The following TTN variants were observed in gnomAD, a reference collection of about 807,000 sequenced individuals.
TTN encodes the protein titin.
In TTN, 1,525 loss-of-function variants were observed where a neutral mutation model predicts 3,223.0. That is an observed-to-expected ratio of 0.47 (90% CI 0.45 to 0.49). The LOEUF (loss-of-function observed/expected upper bound fraction) is 0.49. Ranked by LOEUF, TTN falls within the 20% of genes least tolerant of loss-of-function variation. TTN has a pLI of 0.00. For synonymous variants in TTN, 14,094 were observed against 15,161.0 expected (o/e 0.93, Z 5.17); for missense variants, 40,786 against 43,424.0 (o/e 0.94, Z 5.40).
chr2:178,730,244 T>C lies in TTN; in HGVS notation c.18156A>G (p.Leu6052=), dbSNP rs756118009. The change falls in exon 62 of 363, where the codon TTA becomes TTG. Residue 6052 remains leucine, a synonymous_variant. Transcript: ENST00000589042. ...TIKWFKDNKE[L]HSGAARSVWK... Reference sequence around the variant, plus strand: ...AAACTGAGCGGGCTGCTCCTGAGTGTAACTCTTTGTTATCTTTAAACCACT... The same window carrying C: ...AAACTGAGCGGGCTGCTCCTGAGTGCAACTCTTTGTTATCTTTAAACCACT... The C allele has an allele frequency of 6.2e-7, 1 of 1,613,350 alleles. No individual in the cohort carries two copies. The highest frequency in any genetic ancestry group is 2.2e-5 in the East Asian group (1 of 44,756).
rs1361414571 is a variant in TTN at position 178,534,751 on chromosome 2, A to ATGGT, written c.101860_101863dup (p.Ile33955AsnfsTer3). The stretch of plus-strand genomic sequence containing the variant: ...GGCTTGACCAAATTCTATGATTTTA[A>ATGGT]TGGTAGAGCTTCTTCTGGTTTGGTA... On this transcript the variant is annotated frameshift_variant, in exon 358 of 363. Coordinates refer to ENST00000589042, the MANE Select transcript of TTN (RefSeq NM_001267550.2). LOFTEE classifies it high-confidence loss of function. The ATGGT allele has an allele frequency of 6.2e-7, 1 of 1,613,722 alleles. No individual in the cohort carries two copies. The highest frequency in any genetic ancestry group is 8.5e-7 in the Non-Finnish European group (1 of 1,179,806).
rs1217243607 is a variant in TTN, at chr2:178,711,050, GA to G, written c.28174+11del. ...TTTAATTCTAGAAATGAAAGTTTAA[GA>G]ATCCACAAACCTGTGAGAATGAGCC... On this transcript the variant is annotated intron_variant, in intron 97 of 362. Coordinates refer to ENST00000589042, the MANE Select transcript of TTN (RefSeq NM_001267550.2). The G allele has an allele frequency of 6.4e-6, 10 of 1,559,042 alleles. No homozygotes were observed. The highest frequency in any genetic ancestry group is 4.1e-5 in the African/African-American group (3 of 72,388).
At position 178,693,679 on chromosome 2, in the gene TTN, T is replaced by C; in HGVS notation, c.31524A>G (p.Val10508=). The C allele has an allele frequency of 1.3e-6, 2 of 1,598,060 alleles. No individual in the cohort carries two copies. Among genetic ancestry groups the C allele is most frequent in the Non-Finnish European group, 1.7e-6 (2 of 1,169,052 alleles). The change falls in exon 119 of 363, where the codon GTA becomes GTG. Residue 10508 remains valine, a synonymous_variant. Transcript: ENST00000589042. ...TCTCTTCAGTAACAATTTCCTTTTG[T>C]ACCTCGGGGACTTAAAAAAATGTAC... The part of the protein sequence containing the change: ...EEEVSVTVPE[V]QKEIVTEEKI...
intron 2 of TTN, among the ~76,000 whole-genome samples, chr2:178,804,309 A>T: frequency 6.6e-6 from 1 of 152,212 alleles, no homozygotes. Context: ...ATTTTAATCC[A>T]ACACTAATTA....
At position 178,547,501 on chromosome 2, in the gene TTN, T is replaced by G; in HGVS notation, c.94125A>C (p.Lys31375Asn). 1.2e-6 allele frequency: 2 copies of G among 1,613,514 alleles called. No homozygotes were observed. Among genetic ancestry groups the G allele is most frequent in the South Asian group, 2.2e-5 (2 of 91,050 alleles). Residue 31375 changes from lysine (K) to asparagine (N), a missense_variant, in exon 339 of 363, where the codon AAA becomes AAC. By Grantham distance (94) the Lys-to-Asn change is moderately conservative. Transcript: ENST00000589042. ...TGACACGGAAAGAATATTCCATGTA[T>G]TTTGTGAGATGAGTGACTTTAATTT... ...RTQIKVTHLT[K>N]YMEYSFRVSS...
intron 331 of TTN, 28 bp from the exon 332 acceptor site, chr2:178,554,780 T>C: frequency 6.2e-7 from 1 of 1,612,294 alleles, no homozygotes; most frequent in Non-Finnish European, 8.5e-7. Context: ...AAACACGATG[T>C]TAGTACTTCT....
chr2:178,561,166 A>G lies in TTN; in HGVS notation c.84966T>C (p.Arg28322=). Residue 28322 remains arginine, a synonymous_variant, in exon 326 of 363, where the codon CGT becomes CGC. Coordinates refer to ENST00000589042, the MANE Select transcript of TTN (RefSeq NM_001267550.2). Reference sequence around the variant, plus strand: ...TCCTTGCAAAAACCCGGAATTCATAACGCTGATCTTCAGTAAGTTCAGTTA... The same window carrying G: ...TCCTTGCAAAAACCCGGAATTCATAGCGCTGATCTTCAGTAAGTTCAGTTA... The part of the protein sequence containing the change: ...FEVTELTEDQ[R]YEFRVFARNA... 6.2e-7 allele frequency: 1 copy of G among 1,613,674 alleles called. No individual in the cohort carries two copies.
Position 178,649,765 on chromosome 2 carries a change from G to A in TTN, c.39895+52C>T, listed in dbSNP as rs967332658. 2.3e-5 allele frequency: 37 copies of A among 1,574,580 alleles called. No homozygotes were observed. In the African/African-American group the frequency reaches 4.6e-4, roughly 20 times the overall value. On this transcript the variant is annotated intron_variant, in intron 211 of 362. Coordinates refer to ENST00000589042, the MANE Select transcript of TTN (RefSeq NM_001267550.2). ...TACAACACAACACACAATAAGAAGA[G>A]TGTAAAATTGTAGACACCACAAAAA...
intron 106 of TTN, among the ~76,000 whole-genome samples, chr2:178,703,071 A>G (rs987928273): frequency 2.0e-5 from 3 of 152,224 alleles, no homozygotes; most frequent in Admixed American, 6.5e-5. Flanking sequence ...TTCAGGATCT[A>G]TAATTGTTTA....
Position 178,554,701 on chromosome 2 carries a change from T to C in TTN, c.88646A>G (p.Glu29549Gly), listed in dbSNP as rs779704459. 10 of 1,613,776 alleles carry C rather than the reference T, an allele frequency of 6.2e-6. No individual in the cohort carries two copies. Among genetic ancestry groups the C allele is most frequent in the African/African-American group, 4.0e-5 (3 of 74,884 alleles). Residue 29549 changes from glutamate (E) to glycine (G), a missense_variant, in exon 332 of 363, where the codon GAG becomes GGG. By Grantham distance (98) the Glu-to-Gly change is moderately conservative. Transcript: ENST00000589042. Reference sequence around the variant, plus strand: ...AGGCCGCCAGAGAAGGGTGATCTTCTCAGCAGTTACAGTCTTAAATTCAAT... The same window carrying C: ...AGGCCGCCAGAGAAGGGTGATCTTCCCAGCAGTTACAGTCTTAAATTCAAT... ...GPIEFKTVTAEKITLLWRPPA... is the reference protein window; with the variant it reads ...GPIEFKTVTAGKITLLWRPPA...
chr2:178,571,913 A>G lies in TTN; in HGVS notation c.74219T>C (p.Ile24740Thr), dbSNP rs773198304. 1.2e-6 allele frequency: 2 copies of G among 1,613,356 alleles called. No homozygotes were observed. The highest frequency in any genetic ancestry group is 2.2e-5 in the East Asian group (1 of 44,742). Residue 24740 changes from isoleucine (I) to threonine (T), a missense_variant, in exon 326 of 363, where the codon ATT becomes ACT. Physicochemically the swap from Ile to Thr is moderately conservative, Grantham distance 89. Transcript: ENST00000589042. ...GEDLKVDVPF[I>T]GRPTPAVTWH... is the part of the protein sequence containing the mutation. ...GGTTACAGCTGGGGTAGGGCGGCCA[A>G]TGAATGGAACATCAACTTTTAGGTC...
Position 178,562,166 on chromosome 2 carries a change from C to T in TTN, c.83966G>A (p.Arg27989Lys), listed in dbSNP as rs1419715288. Reference protein sequence around the residue: ...QLKIDVPFKGRPQATVNWRKD... With the variant: ...QLKIDVPFKGKPQATVNWRKD... ...TCTCCAGTTCACAGTAGCTTGAGGT[C>T]TTCCTTTGAATGGCACATCAATCTT... The change falls in exon 326 of 363, where the codon AGA becomes AAA. Residue 27989 changes from arginine (R) to lysine (K), a missense_variant. Transcript: ENST00000589042. The T allele has an allele frequency of 1.2e-6, 2 of 1,612,958 alleles. No homozygotes were observed. Among genetic ancestry groups the T allele is most frequent in the Non-Finnish European group, 1.7e-6 (2 of 1,179,532 alleles).
In TTN at chr2:178,699,383, C is replaced by CTTTTTTTTTT. The variant is rs59989386; in HGVS notation, c.30683-479_30683-470dup. Among the ~76,000 whole-genome samples, 39 of 44,912 alleles carry CTTTTTTTTTT rather than the reference C, an allele frequency of 8.7e-4. 11 individuals carry two copies. Among genetic ancestry groups the CTTTTTTTTTT allele is most frequent in the Non-Finnish European group, 1.2e-3 (28 of 22,892 alleles). 29.5% of individuals were successfully genotyped at this position (44,912 alleles called of 152,430 possible). A position where few individuals can be genotyped will look rare whatever the true frequency, so the allele number is the denominator to read the frequency against. On this transcript the variant is annotated intron_variant, in intron 111 of 362. Transcript: ENST00000589042. ...TTTGTATTCATGAATAAATAACACT[C>CTTTTTTTTTT]TTTTTTTTTTTTTTTTTTTTTTTTT...
Position 178,693,604 on chromosome 2 carries a change from A to C in TTN, c.31594+5T>G. 6.4e-7 allele frequency: 1 copy of C among 1,558,830 alleles called. No homozygotes were observed. The highest frequency in any genetic ancestry group is 8.7e-7 in the Non-Finnish European group (1 of 1,147,848). On this transcript the variant is annotated splice_donor_5th_base_variant and intron_variant, in intron 119 of 362. Transcript: ENST00000589042. ...GAGTTTAAACTTAGAATGAATTACTAATACCTTTAGGTGGTGGTTCAACCC... is the reference window on the plus strand; with the variant it reads ...GAGTTTAAACTTAGAATGAATTACTCATACCTTTAGGTGGTGGTTCAACCC...
In TTN at chr2:178,604,822, A is replaced by T; in HGVS notation, c.54267T>A (p.Pro18089=). Residue 18089 remains proline, a synonymous_variant, in exon 281 of 363, where the codon CCT becomes CCA. Coordinates refer to ENST00000589042, the MANE Select transcript of TTN (RefSeq NM_001267550.2). ...TGATTTCACTGCCACCATTATCAAG[A>T]GGGGCATCCCATGTCAAGTAGCAAG... is the stretch of plus-strand genomic sequence containing the variant. The part of the protein sequence containing the change: ...AESCYLTWDA[P]LDNGGSEITH... 5 of 1,612,280 alleles carry T rather than the reference A, an allele frequency of 3.1e-6. No individual in the cohort carries two copies. Among genetic ancestry groups the T allele is most frequent in the Non-Finnish European group, 4.2e-6 (5 of 1,178,992 alleles).
At chr2:178,641,155 C>A in intron 220 of TTN, 86 bp downstream of exon 220, 1 of 916,276 alleles carries the variant, frequency 1.1e-6, no homozygotes. Flanking sequence ...TTACATCTAA[C>A]TTCATTTATG....
At chr2:178,536,642 T>A (rs1015412008) in intron 356 of TTN, 67 bp from the exon 357 acceptor site, 323 of 1,341,782 alleles carry the variant, frequency 2.4e-4, no homozygotes, top group Non-Finnish European at 2.9e-4. Context: ...CTTATTTTTT[T>A]AAAAAAGAAT....
rs750303653 is a variant in TTN, at chr2:178,548,448, G to A, written c.93178C>T (p.Arg31060Cys). ...HYVVEKREAS[R>C]RSWQVISEKC... ...TCACTGATAACCTGCCAACTACGGC[G>A]ACTTGCCTCTCGTTTCTCTACCACA... The change falls in exon 339 of 363, where the codon CGC becomes TGC. Residue 31060 changes from arginine to cysteine, a missense_variant. Coordinates refer to ENST00000589042, the MANE Select transcript of TTN (RefSeq NM_001267550.2). The surrounding 1 kb of genome is among the most constrained non-coding windows in gnomAD (Gnocchi z 4.3). 31 of 1,613,692 alleles carry A rather than the reference G, an allele frequency of 1.9e-5. No individual in the cohort carries two copies. The highest frequency in any genetic ancestry group is 1.4e-4 in the South Asian group (13 of 91,074).
chr2:178,730,577 T>G lies in TTN; in HGVS notation c.17956A>C (p.Ser5986Arg). The G allele has an allele frequency of 1.2e-6, 2 of 1,613,686 alleles. No individual in the cohort carries two copies. Among genetic ancestry groups the G allele is most frequent in the Non-Finnish European group, 1.7e-6 (2 of 1,179,666 alleles). ...LEISQLEGTD[S>R]GTYTCSATNK... is the part of the protein sequence containing the mutation. ...GTGGCAGAACAAGTGTATGTCCCACTGTCTGTACCTTCCAGCTGGCTGATT... is the reference window on the plus strand; with the variant it reads ...GTGGCAGAACAAGTGTATGTCCCACGGTCTGTACCTTCCAGCTGGCTGATT... The change falls in exon 61 of 363, where the codon AGT (serine) becomes CGT (arginine). Residue 5986 changes from serine (S) to arginine (R), a missense_variant. Physicochemically the swap from Ser to Arg is moderately radical, Grantham distance 110 (BLOSUM62 -1). Coordinates refer to ENST00000589042, the MANE Select transcript of TTN (RefSeq NM_001267550.2).
Sources: gnomAD v4.1 joint callset for allele counts (sites outside exome capture counted in the v4.1 genomes callset) on GRCh38, gnomAD v4.1.1 for gene constraint, Gnocchi (gnomAD v3.1) non-coding constraint, MANE v1.5 for transcripts, NCBI Gene and HGNC (gene_info 2026-07-23, HGNC 2026-07-21) for gene names.